Variants in IFIH1 observed in about 807,000 individuals in gnomAD.
IFIH1 encodes interferon induced with helicase C domain 1.
In IFIH1, 125 loss-of-function variants were observed where a neutral mutation model predicts 107.4. The ratio of observed to expected loss-of-function variants is 1.16; its 90% confidence interval spans 1.01 to 1.35. The LOEUF (loss-of-function observed/expected upper bound fraction) is 1.35. IFIH1 is among the 40% of genes most tolerant of loss of function. The pLI is 0.00. For synonymous variants in IFIH1, 458 were observed against 413.2 expected, an observed-to-expected ratio of 1.11 and a Z score of -1.31; for missense variants, 1,333 against 1,213.7, an observed-to-expected ratio of 1.10 and a Z score of -1.46.
rs111732322 is a variant in IFIH1 at position 162,278,304 on chromosome 2, C to T, written c.1666G>A (p.Glu556Lys). ...REDPFKEKLL[E>K]IMTRIQTYCQ... ...TAAGTTTGAATCCTTGTCATTATTT[C>T]TAGAAGTTTCTCTTTAAATGGATCC... Residue 556 changes from glutamate (E) to lysine (K), a missense_variant, in exon 9 of 16, where the codon GAA becomes AAA. Transcript: ENST00000649979. The T allele has an allele frequency of 2.8e-6, 4 of 1,451,202 alleles. No homozygotes were observed. In the African/African-American group the frequency reaches 4.2e-5, roughly 15 times the overall value. The allele number at this position is 1,451,202 out of a possible 1,614,324, so 89.9% of individuals were successfully genotyped here.
intron 7 of IFIH1, 143 bp from the exon 8 acceptor site, chr2:162,280,255 G>A: frequency 1.7e-6 from 1 of 604,936 alleles, no homozygotes; most frequent in Non-Finnish European, 2.9e-6. Context: ...AAAGTAATAT[G>A]TAGCATTGCT....
chr2:162,312,967 T>G (rs1477914415), intron 1 of IFIH1, among the ~76,000 whole-genome samples: 2 of 152,210 alleles, frequency 1.3e-5, no homozygotes, highest in East Asian at 3.9e-4. Context: ...CAAAATTTTC[T>G]TCAACCACTA....
chr2:162,318,274 G>C lies in IFIH1; in HGVS notation c.34C>G (p.Arg12Gly). Residue 12 changes from arginine (R) to glycine (G), a missense_variant, in exon 1 of 16, where the codon CGC becomes GGC. Transcript: ENST00000649979. ...SNGYSTDENF[R>G]YLISCFRARV... ...GCCCTGAAGCACGAGATGAGATAGC[G>C]GAAATTCTCGTCTGTGGAATACCCA... 6.2e-7 allele frequency: 1 copy of C among 1,613,876 alleles called. No individual in the cohort carries two copies.
At chr2:162,287,178 A>G (rs111665908) in intron 5 of IFIH1, among the ~76,000 whole-genome samples, 1 of 151,948 alleles carries the variant, frequency 6.6e-6, no homozygotes, top group Non-Finnish European at 1.5e-5. Context: ...TTGGAACTAC[A>G]TGATAGGAAT....
chr2:162,303,667 A>T (rs991127697), intron 3 of IFIH1, among the ~76,000 whole-genome samples: 10 of 152,160 alleles, frequency 6.6e-5, no homozygotes, highest in Non-Finnish European at 1.2e-4. Flanking sequence ...AGAGGAAAAA[A>T]AAAAATAAAA....
intron 4 of IFIH1, among the ~76,000 whole-genome samples, chr2:162,291,431 A>G (rs1055930817): frequency 6.6e-6 from 1 of 151,784 alleles, no homozygotes; most frequent in African/African-American, 2.4e-5. Context: ...ATATCAGGCC[A>G]ATATGTATTG....
chr2:162,284,004 T>A (rs1682853770), intron 5 of IFIH1, among the ~76,000 whole-genome samples: 1 of 150,880 alleles, frequency 6.6e-6, no homozygotes, highest in African/African-American at 2.4e-5. Flanking sequence ...CAAAGTAAAG[T>A]CTCTCTAATC....
intron 1 of IFIH1, among the ~76,000 whole-genome samples, chr2:162,316,130 A>C (rs1683486659): frequency 6.6e-6 from 1 of 152,252 alleles, no homozygotes; most frequent in African/African-American, 2.4e-5. Flanking sequence ...CAATCCAGGC[A>C]AGACAAAAGT....
At chr2:162,274,627 A>G (rs1292184943) in intron 11 of IFIH1, among the ~76,000 whole-genome samples, 2 of 152,202 alleles carry the variant, frequency 1.3e-5, no homozygotes, top group African/African-American at 4.8e-5. Context: ...CTGTAAATAA[A>G]ACTATTTTCA....
chr2:162,292,089 A>G (rs1236056446), intron 4 of IFIH1, among the ~76,000 whole-genome samples: 2 of 151,896 alleles, frequency 1.3e-5, no homozygotes, highest in African/African-American at 4.8e-5. Flanking sequence ...CCCTGCACAT[A>G]GAAGGTACAC....
chr2:162,316,958 T>C lies in IFIH1; in HGVS notation c.453+897A>G, dbSNP rs141812377. ...TGAAACTAGCAACACATTCTTTCAATGAATTGTTTCTAAATTTTGATTCTC... is the reference window on the plus strand; with the variant it reads ...TGAAACTAGCAACACATTCTTTCAACGAATTGTTTCTAAATTTTGATTCTC... On this transcript the variant is annotated intron_variant, in intron 1 of 15. Transcript: ENST00000649979. Among the ~76,000 whole-genome samples the C allele has an allele frequency of 1.2e-3, 181 of 152,276 alleles. 1 individual carries two copies. The Middle Eastern group carries it at 0.027, about 23-fold the overall frequency.
chr2:162,310,960 G>A, intron 1 of IFIH1, 27 bp from the exon 2 acceptor site: 6 of 1,583,416 alleles, frequency 3.8e-6, no homozygotes, highest in Non-Finnish European at 4.3e-6. Flanking sequence ...TTAGAATTAA[G>A]TAAGATCAAA....
chr2:162,313,688 A>G lies in IFIH1; in HGVS notation c.454-2755T>C, dbSNP rs111464280. On this transcript the variant is annotated intron_variant, in intron 1 of 15. Transcript: ENST00000649979. ...TAACCCAGCAGAGTTCAACTCTCAG[A>G]TAAAAGTAAATCAGGAGGCAAAACC... Among the ~76,000 whole-genome samples, 383 of 152,334 alleles carry G rather than the reference A, an allele frequency of 2.5e-3. 5 individuals are homozygous for G. Among genetic ancestry groups the G allele is most frequent in the African/African-American group, 8.6e-3 (358 of 41,570 alleles).
chr2:162,277,669 T>C lies in IFIH1; in HGVS notation c.1790A>G (p.Glu597Gly). ...CCTCAAATGTTCTGCACAAACACGT[T>C]CTTTGCGATTTCCTTCTTTTGCAGC... The part of the protein sequence containing the change: ...KKAAKEGNRK[E>G]RVCAEHLRKY... Residue 597 changes from glutamate (E) to glycine (G), a missense_variant, in exon 10 of 16, where the codon GAA (glutamate) becomes GGA (glycine). By Grantham distance (98) the Glu-to-Gly change is moderately conservative. Coordinates refer to ENST00000649979, the MANE Select transcript of IFIH1 (RefSeq NM_022168.4). 1 of 1,604,882 alleles carries C rather than the reference T, an allele frequency of 6.2e-7. No homozygotes were observed. The highest frequency in any genetic ancestry group is 1.3e-5 in the African/African-American group (1 of 74,542).
At chr2:162,311,673 T>C (rs1013164361) in intron 1 of IFIH1, among the ~76,000 whole-genome samples, 6 of 152,130 alleles carry the variant, frequency 3.9e-5, no homozygotes, top group Non-Finnish European at 8.8e-5. Flanking sequence ...ATTGTCACAG[T>C]GCATTTCCCT....
Position 162,277,499 on chromosome 2 carries a change from A to G in IFIH1, c.1960T>C (p.Cys654Arg). ...DSDEGGDDEY[C>R]DGDEDEDDLK... ...TCATCCTCATCTTCATCACCATCAC[A>G]ATACTCATCATCACCACCCTCATCA... The change falls in exon 10 of 16, where the codon TGT (cysteine) becomes CGT (arginine). Residue 654 changes from cysteine to arginine, a missense_variant. By Grantham distance (180) the Cys-to-Arg change is radical. Transcript: ENST00000649979. The G allele has an allele frequency of 6.3e-7, 1 of 1,586,582 alleles. No homozygotes were observed. Among genetic ancestry groups the G allele is most frequent in the African/African-American group, 1.3e-5 (1 of 74,484 alleles).
intron 3 of IFIH1, among the ~76,000 whole-genome samples, chr2:162,296,666 G>T (rs1198837869): frequency 2.6e-5 from 4 of 152,110 alleles, no homozygotes; most frequent in Non-Finnish European, 5.9e-5. Flanking sequence ...CATTTTCATT[G>T]TATTGTCACA....
chr2:162,307,699 G>A (rs1466500105), intron 2 of IFIH1, among the ~76,000 whole-genome samples: 1 of 152,066 alleles, frequency 6.6e-6, no homozygotes, highest in African/African-American at 2.4e-5. Context: ...TCATCTTAAA[G>A]AACCCAGTGA....
chr2:162,318,530 G>T lies in IFIH1; in HGVS notation c.-223C>A. On this transcript the variant is annotated 5_prime_UTR_variant, in exon 1 of 16. Coordinates refer to ENST00000649979, the MANE Select transcript of IFIH1 (RefSeq NM_022168.4). The stretch of plus-strand genomic sequence containing the variant: ...CAGGCGGGCAGGTGGGCAGCGGGGC[G>T]GCGCGCGGGGCCGCGGCAGGCAGGT... 1 of 308,792 alleles carries T rather than the reference G, an allele frequency of 3.2e-6. No individual in the cohort carries two copies. Among genetic ancestry groups the T allele is most frequent in the South Asian group, 1.3e-4 (1 of 7,788 alleles). The allele number at this position is 308,792 out of a possible 1,614,324, so 19.1% of individuals were successfully genotyped here. A position where few individuals can be genotyped will look rare whatever the true frequency, so the allele number is the denominator to read the frequency against.
Sources: allele counts gnomAD v4.1 joint callset (sites outside exome capture counted in the v4.1 genomes callset), GRCh38; gene constraint gnomAD v4.1.1; transcripts MANE v1.5; gene names NCBI Gene and HGNC (gene_info 2026-07-23, HGNC 2026-07-21).